The following PDE8B variants were observed in gnomAD, a reference collection of about 807,000 sequenced individuals.
PDE8B encodes high affinity cAMP-specific and IBMX-insensitive 3',5'-cyclic phosphodiesterase 8B.
Under a neutral mutation model 101.3 loss-of-function variants are expected in PDE8B, and 26 were observed. That is an observed-to-expected ratio of 0.26 (90% CI 0.19 to 0.36). The LOEUF (loss-of-function observed/expected upper bound fraction) is 0.36. Ranked by LOEUF, PDE8B falls within the 10% of genes least tolerant of loss-of-function variation. PDE8B has a pLI of 1.00. For synonymous variants in PDE8B, 424 were observed against 429.3 expected (o/e 0.99, Z 0.15); for missense variants, 810 against 1,163.1 (o/e 0.70, Z 4.42).
At chr5:77,339,163 T>C (rs1280529771) in intron 6 of PDE8B, among the ~76,000 whole-genome samples, 3 of 152,160 alleles carry the variant, frequency 2.0e-5, no homozygotes, top group Non-Finnish European at 2.9e-5. Context: ...GATTCAGAAC[T>C]TTGCAAGTTT....
At chr5:77,206,826 C>A (rs527811603), upstream of PDE8B, among the ~76,000 whole-genome samples, 1 of 152,110 alleles carries the variant, frequency 6.6e-6, no homozygotes, top group African/African-American at 2.4e-5. Flanking sequence ...CTGTTGTGCA[C>A]GTGGATTCAG....
the PDE8B span, among the ~76,000 whole-genome samples, chr5:77,121,520 T>TC: frequency 4.6e-5 from 7 of 151,742 alleles, no homozygotes; most frequent in Non-Finnish European, 8.8e-5. Context: ...TTTTTTTTTT[T>TC]TTTTTGAGAC....
upstream of PDE8B, among the ~76,000 whole-genome samples, chr5:77,206,920 G>A (rs566373743): frequency 3.2e-4 from 49 of 152,272 alleles, no homozygotes; most frequent in African/African-American, 7.9e-4. Context: ...CAGCATTCTC[G>A]AATGTTGGTG....
chr5:77,294,206 G>T (rs923137339), intron 1 of PDE8B, among the ~76,000 whole-genome samples: 2 of 152,182 alleles, frequency 1.3e-5, no homozygotes, highest in Non-Finnish European at 2.9e-5. Context: ...AAGGATTAGA[G>T]TATATGTCTA....
chr5:77,180,941 G>T, the PDE8B span, among the ~76,000 whole-genome samples: 1,467 of 151,686 alleles, frequency 9.7e-3, 23 homozygotes, highest in African/African-American at 0.033. Context: ...GTGAGTCGCC[G>T]GCAGCCCCAG....
At chr5:77,130,699 T>C in the PDE8B span, among the ~76,000 whole-genome samples, 4 of 152,318 alleles carry the variant, frequency 2.6e-5, no homozygotes, top group African/African-American at 7.2e-5. Flanking sequence ...TTGATATTTA[T>C]ACAGTGAGGC....
At chr5:77,144,509 G>A in the PDE8B span, 1 of 152,114 alleles carries the variant, frequency 6.6e-6, no homozygotes, top group African/African-American at 2.4e-5. Context: ...AATCATTAAA[G>A]ATGTTCAAAG....
chr5:77,210,665 TGCGCGCGGG>T, upstream of PDE8B: 1 of 980,178 alleles, frequency 1.0e-6, no homozygotes, highest in Non-Finnish European at 1.2e-6. The surrounding 1 kb of genome is among the most constrained non-coding windows in gnomAD (Gnocchi z 4.9). Flanking sequence ...CGGCCGCTGG[TGCGCGCGGG>T]GCGCTGTGTA....
chr5:77,120,080 A>G, the PDE8B span, among the ~76,000 whole-genome samples: 13 of 152,358 alleles, frequency 8.5e-5, 1 homozygote, highest in Non-Finnish European at 1.6e-4. Flanking sequence ...TGTTCATGCA[A>G]TGGAATATTG....
the PDE8B span, chr5:77,145,586 T>A: frequency 6.6e-6 from 1 of 152,168 alleles, no homozygotes; most frequent in African/African-American, 2.4e-5. Flanking sequence ...TAATAGGACC[T>A]TTTGGAAGCT....
At chr5:77,222,968 T>C (rs1751504949) in intron 1 of PDE8B, among the ~76,000 whole-genome samples, 3 of 152,190 alleles carry the variant, frequency 2.0e-5, no homozygotes, top group African/African-American at 7.2e-5. Context: ...AGAATACTCT[T>C]GGGTGTTATG....
At chr5:77,392,897 A>G (rs764101338) in intron 10 of PDE8B, among the ~76,000 whole-genome samples, 7 of 152,224 alleles carry the variant, frequency 4.6e-5, no homozygotes, top group African/African-American at 1.7e-4. Flanking sequence ...AAGTAAGACA[A>G]TGAGAGATAC....
intron 10 of PDE8B, among the ~76,000 whole-genome samples, chr5:77,398,059 C>T (rs972168506): frequency 6.6e-5 from 10 of 151,810 alleles, no homozygotes; most frequent in African/African-American, 2.4e-4. Flanking sequence ...TTGATGCCGT[C>T]TGTTTTCCCC....
intron 10 of PDE8B, among the ~76,000 whole-genome samples, chr5:77,397,842 C>T: frequency 6.6e-6 from 1 of 152,082 alleles, no homozygotes; most frequent in African/African-American, 2.4e-5. Context: ...TAGCTGTTGC[C>T]CGTGACTGCT....
chr5:77,137,921 A>T, the PDE8B span, among the ~76,000 whole-genome samples: 3 of 152,180 alleles, frequency 2.0e-5, no homozygotes, highest in Non-Finnish European at 4.4e-5. Flanking sequence ...GCAAAAGCAC[A>T]GACATGCTGC....
At chr5:77,162,594 T>A in the PDE8B span, among the ~76,000 whole-genome samples, 2 of 152,042 alleles carry the variant, frequency 1.3e-5, no homozygotes, top group African/African-American at 4.8e-5. Flanking sequence ...TGGAACAAAA[T>A]AGACCTGCAC....
chr5:77,291,802 A>G, intron 1 of PDE8B: 1 of 1,567,538 alleles, frequency 6.4e-7, no homozygotes, highest in Non-Finnish European at 8.8e-7. Flanking sequence ...AAGTTTCAGT[A>G]AAGGTGTTTT....
intron 1 of PDE8B, chr5:77,290,494 A>C: frequency 6.8e-7 from 1 of 1,467,606 alleles, no homozygotes; most frequent in Non-Finnish European, 9.5e-7. Context: ...ATCTGGGCAG[A>C]TATTCCTGCT....
intron 1 of PDE8B, among the ~76,000 whole-genome samples, chr5:77,286,342 G>C (rs1412269168): frequency 6.6e-6 from 1 of 152,160 alleles, no homozygotes; most frequent in African/African-American, 2.4e-5. Flanking sequence ...ACAAAATTTA[G>C]GTTCCCTCCT....
Sources: allele counts gnomAD v4.1 joint callset (sites outside exome capture counted in the v4.1 genomes callset), GRCh38; gene constraint gnomAD v4.1.1; non-coding constraint Gnocchi (gnomAD v3.1); transcripts MANE v1.5; gene names NCBI Gene and HGNC (gene_info 2026-07-23, HGNC 2026-07-21).